ZPBP: variants seen among roughly 807,000 people sequenced by gnomAD.
The protein encoded by ZPBP is zona pellucida binding protein.
In ZPBP, 26 loss-of-function variants were observed where a neutral mutation model predicts 44.8. That is an observed-to-expected ratio of 0.58 (90% CI 0.43 to 0.81). The LOEUF (loss-of-function observed/expected upper bound fraction) is 0.81. Ranked by LOEUF, ZPBP falls within the 30% of genes least tolerant of loss-of-function variation. The pLI, the probability that ZPBP is intolerant of heterozygous loss-of-function variation, is 0.00. For missense variants in ZPBP, 409 were observed against 434.0 expected (o/e 0.94, Z 0.51); for synonymous variants, 174 against 153.2 (o/e 1.14, Z -1.00).
chr7:49,976,059 A>G (rs1392469234), intron 7 of ZPBP, among the ~76,000 whole-genome samples: 1 of 152,196 alleles, frequency 6.6e-6, no homozygotes, highest in Admixed American at 6.5e-5. Flanking sequence ...TTACAATCTA[A>G]TACAAATCAT....
At chr7:50,028,938 T>A (rs961565478) in intron 5 of ZPBP, among the ~76,000 whole-genome samples, 2 of 152,122 alleles carry the variant, frequency 1.3e-5, no homozygotes, top group African/African-American at 4.8e-5. Flanking sequence ...CCAGATCCAA[T>A]GAAATCCCTA....
intron 2 of ZPBP, among the ~76,000 whole-genome samples, chr7:49,874,177 C>T (rs1159655611): frequency 6.6e-6 from 1 of 151,488 alleles, no homozygotes; most frequent in African/African-American, 2.5e-5. Flanking sequence ...TACATGCACA[C>T]ACCCACACAC....
chr7:49,860,996 G>A (rs1396154493), intron 2 of ZPBP, among the ~76,000 whole-genome samples: 1 of 152,146 alleles, frequency 6.6e-6, no homozygotes, highest in Non-Finnish European at 1.5e-5. Flanking sequence ...CCAGTCTGTG[G>A]TATTTTAAAT....
Position 49,864,000 on chromosome 7 carries a change from A to G in ZPBP, n.510-13486T>C, listed in dbSNP as rs928007583. ...AAAATATTTTCCCTTTAGTTTTGCA[A>G]AAATCATATATTGTTTATTATAGTG... is the stretch of plus-strand genomic sequence containing the variant. On this transcript the variant is annotated intron_variant and non_coding_transcript_variant, in intron 2 of 2. Transcript: ENST00000465922. 5.3e-5 allele frequency among the ~76,000 whole-genome samples: 8 copies of G among 152,246 alleles called. No individual in the cohort carries two copies. The East Asian group carries it at 1.5e-3, about 29-fold the overall frequency.
At chr7:49,973,912 C>A (rs1796397972) in intron 7 of ZPBP, among the ~76,000 whole-genome samples, 1 of 151,954 alleles carries the variant, frequency 6.6e-6, no homozygotes, top group Non-Finnish European at 1.5e-5. Flanking sequence ...TAGAAACAAC[C>A]CAAATACCCA....
At position 49,945,295 on chromosome 7, in the gene ZPBP, TGAG is replaced by T. The variant is rs568155641; in HGVS notation, c.962-7676_962-7674del. 4.5e-3 allele frequency among the ~76,000 whole-genome samples: 686 copies of T among 151,874 alleles called. 4 individuals are homozygous for T. The highest frequency in any genetic ancestry group is 0.016 in the African/African-American group (649 of 41,546). ...CTATCTTTGAGGATTATCCATGAGC[TGAG>T]GAGAAGAATGTGTATTCTGCAACTG... is the stretch of plus-strand genomic sequence containing the variant. On this transcript the variant is annotated intron_variant, in intron 7 of 7. Coordinates refer to ENST00000046087, the MANE Select transcript of ZPBP (RefSeq NM_007009.3).
chr7:49,910,601 CT>C (rs973122418), intron 1 of ZPBP, among the ~76,000 whole-genome samples: 3 of 61,962 alleles, frequency 4.8e-5, no homozygotes, highest in Non-Finnish European at 1.0e-4. Context: ...AGCCATTAAT[CT>C]TTTAAAAAAA....
chr7:50,034,179 G>A (rs1799726763), intron 4 of ZPBP, among the ~76,000 whole-genome samples: 2 of 150,492 alleles, frequency 1.3e-5, no homozygotes, highest in African/African-American at 4.9e-5. Flanking sequence ...ATTTGTTTTT[G>A]AGGGTTTTTT....
rs142190505 is a variant in ZPBP, at chr7:50,040,028, T to G, written c.488-8718A>C. ...TAATTAAAGAAATGAAAATACTACA[T>G]TAGAAAATATTCATTTAATTCAACA... On this transcript the variant is annotated intron_variant, in intron 4 of 7. Coordinates refer to ENST00000046087, the MANE Select transcript of ZPBP (RefSeq NM_007009.3). 4.6e-4 allele frequency among the ~76,000 whole-genome samples: 70 copies of G among 152,150 alleles called. No homozygotes were observed. In the East Asian group the frequency reaches 0.011, roughly 24 times the overall value.
chr7:49,881,871 A>AT (rs1791680473), intron 2 of ZPBP, among the ~76,000 whole-genome samples: 2 of 152,022 alleles, frequency 1.3e-5, no homozygotes. Context: ...GAATTCATAG[A>AT]TTTTTTAATA....
chr7:49,938,645 AG>A (rs1794717901), intron 7 of ZPBP, among the ~76,000 whole-genome samples: 1 of 152,348 alleles, frequency 6.6e-6, no homozygotes, highest in Non-Finnish European at 1.5e-5. Context: ...ATTGTGGATA[AG>A]GGGATGGCTA....
intron 7 of ZPBP, chr7:49,944,226 C>G: frequency 2.8e-6 from 1 of 358,656 alleles, no homozygotes; most frequent in East Asian, 8.1e-5. Flanking sequence ...TGCACTTTTG[C>G]CACTGTGCCA....
chr7:50,031,200 T>G lies in ZPBP; in HGVS notation c.598A>C (p.Lys200Gln), dbSNP rs144747833. The change falls in exon 5 of 8, where the codon AAA becomes CAA. Residue 200 changes from lysine to glutamine, a missense_variant. Physicochemically the swap from Lys to Gln is moderately conservative, Grantham distance 53. This residue lies in a region of ZPBP where 367 missense variants were observed against 363.1 expected (regional missense o/e 1.01). Coordinates refer to ENST00000046087, the MANE Select transcript of ZPBP (RefSeq NM_007009.3). ...TCACATGAAAGGTCAAGAAGCAGTT[T>G]GCTTAAAATCTGAAGAAGTTTCTTC... is the stretch of plus-strand genomic sequence containing the variant. ...FEKKLLQILS[K>Q]LLLDLSCEIS... The G allele has an allele frequency of 4.3e-6, 7 of 1,613,732 alleles. No individual in the cohort carries two copies. In the African/African-American group the frequency reaches 6.7e-5, roughly 15 times the overall value.
chr7:49,883,940 G>C (rs762549951), intron 2 of ZPBP, among the ~76,000 whole-genome samples: 3 of 152,254 alleles, frequency 2.0e-5, no homozygotes, highest in Non-Finnish European at 4.4e-5. Context: ...GAAAGCAGTG[G>C]AGAGCAATCC....
chr7:50,030,813 T>C (rs915910212), intron 5 of ZPBP, among the ~76,000 whole-genome samples: 17 of 152,284 alleles, frequency 1.1e-4, no homozygotes, highest in African/African-American at 4.1e-4. Flanking sequence ...ATTAAATCAT[T>C]ATATCTAAAT....
chr7:49,872,679 G>A (rs541274383), intron 2 of ZPBP, among the ~76,000 whole-genome samples: 23 of 151,114 alleles, frequency 1.5e-4, no homozygotes, highest in African/African-American at 5.6e-4. Flanking sequence ...GTCAAGGTGG[G>A]CGGATCACCT....
chr7:50,021,140 T>G (rs1212019168), intron 5 of ZPBP, among the ~76,000 whole-genome samples: 2 of 152,034 alleles, frequency 1.3e-5, no homozygotes, highest in East Asian at 3.9e-4. Flanking sequence ...CAAGAATGTA[T>G]GGCCCATTCA....
chr7:49,992,040 A>T (rs1457733071), intron 6 of ZPBP, among the ~76,000 whole-genome samples: 1 of 152,120 alleles, frequency 6.6e-6, no homozygotes, highest in Non-Finnish European at 1.5e-5. Context: ...TCCCTAATTC[A>T]CAGTGGACAA....
intron 7 of ZPBP, among the ~76,000 whole-genome samples, chr7:49,938,752 G>A (rs1794722933): frequency 6.6e-6 from 1 of 152,072 alleles, no homozygotes. Flanking sequence ...AAGGATCTCA[G>A]AATATGTTAA....
Sources: gnomAD v4.1 joint callset for allele counts (sites outside exome capture counted in the v4.1 genomes callset) on GRCh38, gnomAD v4.1.1 for gene constraint, gnomAD v4.1.1 regional missense constraint, MANE v1.5 for transcripts, NCBI Gene and HGNC (gene_info 2026-07-23, HGNC 2026-07-21) for gene names.